Variants in USP15 observed in about 807,000 individuals in gnomAD.
The protein encoded by USP15 is ubiquitin specific peptidase 15.
In USP15, 18 loss-of-function variants were observed where a neutral mutation model predicts 127.1. That is an observed-to-expected ratio of 0.14 (90% CI 0.10 to 0.21). USP15 has a LOEUF of 0.21. USP15 is among the 10% of genes least tolerant of loss of function. The pLI, the probability that USP15 is intolerant of heterozygous loss-of-function variation, is 1.00. For missense variants in USP15, 805 were observed against 1,159.9 expected, an observed-to-expected ratio of 0.69 and a Z score of 4.44; for synonymous variants, 364 against 393.7, an observed-to-expected ratio of 0.92 and a Z score of 0.89.
rs1239052059 is a variant in USP15 at position 62,414,398 on chromosome 12, T to A, written c.*10023T>A. ...CTCTGTCACCCAGGCTGGAGTGCAG[T>A]GGCACAATCTCATCTCACTGCAGCC... On this transcript the variant is annotated 3_prime_UTR_variant, in exon 22 of 22. Transcript: ENST00000280377. The A allele has an allele frequency of 6.6e-6, 1 of 152,282 alleles. No homozygotes were observed. The highest frequency in any genetic ancestry group is 1.5e-5 in the Non-Finnish European group (1 of 68,094). 9.4% of individuals were successfully genotyped at this position (152,282 alleles called of 1,614,324 possible). A position where few individuals can be genotyped will look rare whatever the true frequency, so the allele number is the denominator to read the frequency against.
intron 3 of USP15, among the ~76,000 whole-genome samples, chr12:62,308,007 T>C (rs1037410847): frequency 2.0e-5 from 3 of 152,148 alleles, no homozygotes; most frequent in African/African-American, 7.2e-5. Flanking sequence ...GTTAATCTCT[T>C]AGTGTGCGTA....
At chr12:62,318,249 C>T (rs2064886983) in intron 4 of USP15, among the ~76,000 whole-genome samples, 1 of 152,146 alleles carries the variant, frequency 6.6e-6, no homozygotes, top group South Asian at 2.1e-4. Flanking sequence ...ATTCTGGCCA[C>T]CACTTTCTCT....
At position 62,389,948 on chromosome 12, in the gene USP15, A is replaced by G. The variant is rs764293953; in HGVS notation, c.1804A>G (p.Thr602Ala). The change falls in exon 14 of 22, where the codon ACT (threonine) becomes GCT (alanine). Residue 602 changes from threonine (T) to alanine (A), a missense_variant. This residue lies in a region of USP15 where 225 missense variants were observed against 239.5 expected (regional missense o/e 0.94). Coordinates refer to ENST00000280377, the MANE Select transcript of USP15 (RefSeq NM_001252078.2). ...TCTTATGGCTGTACCACGAAACAATACTGAAGACAAACTTTATAATCTCCT... is the reference window on the plus strand; with the variant it reads ...TCTTATGGCTGTACCACGAAACAATGCTGAAGACAAACTTTATAATCTCCT... ...PFLMAVPRNN[T>A]EDKLYNLLLL... 6.2e-7 allele frequency: 1 copy of G among 1,612,498 alleles called. No homozygotes were observed. The highest frequency in any genetic ancestry group is 8.5e-7 in the Non-Finnish European group (1 of 1,179,260).
chr12:62,325,066 A>G (rs1220796049), intron 5 of USP15, among the ~76,000 whole-genome samples: 1 of 151,990 alleles, frequency 6.6e-6, no homozygotes, highest in Admixed American at 6.6e-5. Flanking sequence ...GTATTATCGT[A>G]TATTTCCTTT....
intron 3 of USP15, among the ~76,000 whole-genome samples, chr12:62,307,654 T>C (rs1216863657): frequency 6.6e-6 from 1 of 152,080 alleles, no homozygotes; most frequent in African/African-American, 2.4e-5. Context: ...AAATAAACAA[T>C]TCGTGAGTTT....
chr12:62,342,894 G>A (rs1271398019), intron 6 of USP15, among the ~76,000 whole-genome samples: 1 of 152,174 alleles, frequency 6.6e-6, no homozygotes, highest in South Asian at 2.1e-4. Flanking sequence ...CCCACTTGAG[G>A]AGGCAGCCTG....
intron 20 of USP15, among the ~76,000 whole-genome samples, chr12:62,398,104 A>G (rs2137653068): frequency 6.6e-6 from 1 of 151,126 alleles, no homozygotes; most frequent in African/African-American, 2.4e-5. Flanking sequence ...CGATCCTACC[A>G]CCTTTGCCTC....
At position 62,294,188 on chromosome 12, in the gene USP15, C is replaced by T. The variant is rs554244867; in HGVS notation, c.99C>T (p.Val33=). ...SLRKGDTWYL[V]DSRWFKQWKK... Reference sequence around the variant, plus strand: ...TTCTTTTATTTTTTAGGTACCTAGTCGATAGTCGCTGGTTCAAACAGTGGA... The same window carrying T: ...TTCTTTTATTTTTTAGGTACCTAGTTGATAGTCGCTGGTTCAAACAGTGGA... The change falls in exon 2 of 22, where the codon GTC becomes GTT. Residue 33 remains valine (V), a synonymous_variant. Transcript: ENST00000280377. 1.1e-5 allele frequency: 17 copies of T among 1,612,396 alleles called. No homozygotes were observed. The highest frequency in any genetic ancestry group is 5.0e-5 in the Admixed American group (3 of 59,720).
At chr12:62,260,569 G>A (rs1455598971) in intron 1 of USP15, 66 bp downstream of exon 1, 6 of 1,458,464 alleles carry the variant, frequency 4.1e-6, no homozygotes, top group Non-Finnish European at 5.6e-6. Context: ...CGGGAGCCGC[G>A]AGCTGGTTCT....
At chr12:62,354,942 A>G (rs1565881414) in intron 7 of USP15, 1 of 153,478 alleles carries the variant, frequency 6.5e-6, no homozygotes, top group Admixed American at 6.5e-5. Flanking sequence ...TTACTCTATT[A>G]CAATAACAGA....
Position 62,264,569 on chromosome 12 carries a change from A to G in USP15, c.89+4066A>G, listed in dbSNP as rs566051449. ...TGAAGTCATTTAAAATCTCTGTGAC[A>G]TTTTCATTTCAATAATTGCCAAAGA... On this transcript the variant is annotated intron_variant, in intron 1 of 21. Transcript: ENST00000280377. 4.9e-4 allele frequency among the ~76,000 whole-genome samples: 74 copies of G among 152,246 alleles called. No individual in the cohort carries two copies. In the South Asian group the frequency reaches 0.014, roughly 30 times the overall value.
chr12:62,384,424 A>T, intron 11 of USP15, 122 bp downstream of exon 11: 1 of 765,560 alleles, frequency 1.3e-6, no homozygotes, highest in Admixed American at 3.2e-5. Flanking sequence ...AAGCCCAATC[A>T]ATAATGTTTA....
chr12:62,329,920 T>G (rs1294571618), intron 6 of USP15, among the ~76,000 whole-genome samples: 1 of 152,216 alleles, frequency 6.6e-6, no homozygotes, highest in Non-Finnish European at 1.5e-5. Flanking sequence ...AGAGGAATTT[T>G]TAAACAGATC....
chr12:62,379,536 T>C (rs1280915242), intron 8 of USP15, among the ~76,000 whole-genome samples: 1 of 152,152 alleles, frequency 6.6e-6, no homozygotes, highest in East Asian at 1.9e-4. Context: ...AGAGTATATG[T>C]GAATAATTAA....
rs934312592 is a variant in USP15, at chr12:62,338,338, G to A, written c.684-10883G>A. 2.0e-5 allele frequency among the ~76,000 whole-genome samples: 3 copies of A among 152,052 alleles called. No individual in the cohort carries two copies. The South Asian group carries it at 6.2e-4, about 32-fold the overall frequency. On this transcript the variant is annotated intron_variant, in intron 6 of 21. Transcript: ENST00000280377. ...TTTTGATGGGATTTTTCTTTCTCAT[G>A]TAAATTTGTTTATGTTCCTTGTAGA...
chr12:62,347,366 GT>G (rs2065850602), intron 6 of USP15, among the ~76,000 whole-genome samples: 2 of 91,502 alleles, frequency 2.2e-5, no homozygotes, highest in Non-Finnish European at 4.5e-5. Flanking sequence ...TGTATACACT[GT>G]GCATATATAT....
At chr12:62,355,825 C>CTTTTTTTT (rs201572809) in intron 8 of USP15, among the ~76,000 whole-genome samples, 10 of 124,388 alleles carry the variant, frequency 8.0e-5, no homozygotes, top group African/African-American at 1.8e-4. Flanking sequence ...CTTTTTTTTT[C>CTTTTTTTT]TTTTTTTTTT....
chr12:62,401,118 A>G (rs1027825811), intron 20 of USP15, 69 bp from the exon 21 acceptor site: 2 of 989,378 alleles, frequency 2.0e-6, no homozygotes, highest in African/African-American at 3.3e-5. Context: ...ATAGATGATT[A>G]TAGAGTTTTG....
Position 62,392,308 on chromosome 12 carries a change from C to T in USP15, c.2341C>T (p.Pro781Ser). ...ACATGAAAGTGTGGAGTATAAACCTCCTAAAAAACCCTTTGTGAAATTAAA... is the reference window on the plus strand; with the variant it reads ...ACATGAAAGTGTGGAGTATAAACCTTCTAAAAAACCCTTTGTGAAATTAAA... ...EKHESVEYKP[P>S]KKPFVKLKDC... Residue 781 changes from proline to serine, a missense_variant, in exon 18 of 22, where the codon CCT (proline) becomes TCT (serine). Physicochemically the swap from Pro to Ser is moderately conservative, Grantham distance 74. This residue lies in a region of USP15 where 225 missense variants were observed against 239.5 expected (regional missense o/e 0.94). Coordinates refer to ENST00000280377, the MANE Select transcript of USP15 (RefSeq NM_001252078.2). The T allele has an allele frequency of 6.2e-7, 1 of 1,606,618 alleles. No homozygotes were observed. The highest frequency in any genetic ancestry group is 8.5e-7 in the Non-Finnish European group (1 of 1,177,580).
Sources: gnomAD v4.1 joint callset for allele counts (sites outside exome capture counted in the v4.1 genomes callset) on GRCh38, gnomAD v4.1.1 for gene constraint, gnomAD v4.1.1 regional missense constraint, MANE v1.5 for transcripts, NCBI Gene and HGNC (gene_info 2026-07-23, HGNC 2026-07-21) for gene names.